The following MTOR variants were observed in gnomAD, a reference collection of about 807,000 sequenced individuals.
MTOR encodes mechanistic target of rapamycin kinase, also known as serine/threonine-protein kinase mTOR.
A neutral mutation model predicts 319.8 loss-of-function variants in MTOR; 70 were observed. The ratio of observed to expected loss-of-function variants is 0.22; its 90% CI spans 0.18 to 0.27. MTOR has a LOEUF of 0.27. Among genes scored for constraint, MTOR ranks in the 10% least tolerant of loss-of-function variants. MTOR has a pLI of 1.00. For synonymous variants in MTOR, 1,183 were observed against 1,211.4 expected, an observed-to-expected ratio of 0.98 and a Z score of 0.49; for missense variants, 1,890 against 3,274.4, an observed-to-expected ratio of 0.58 and a Z score of 10.32.
At chr1:11,167,553 C>T in intron 28 of MTOR, 36 bp from the exon 29 acceptor site, 1 of 1,542,824 alleles carries the variant, frequency 6.5e-7, no homozygotes, top group Non-Finnish European at 8.9e-7. Context: ...TTACACTCAA[C>T]AGGTCTGAGG....
rs1642719052 is a variant in MTOR at position 11,124,510 on chromosome 1, C to T, written c.6650G>A (p.Arg2217Gln). The T allele has an allele frequency of 1.4e-5, 22 of 1,605,670 alleles. No individual in the cohort carries two copies. The highest frequency in any genetic ancestry group is 2.2e-5 in the East Asian group (1 of 44,650). ...TLLANDPTSL[R>Q]KNLSIQRYAV... is the part of the protein sequence containing the mutation. Reference sequence around the variant, plus strand: ...GGTTTCTGAATACCTGAGGTTTTTCCGAAGAGATGTTGGGTCATTGGCCAG... The same window carrying T: ...GGTTTCTGAATACCTGAGGTTTTTCTGAAGAGATGTTGGGTCATTGGCCAG... Residue 2217 changes from arginine (R) to glutamine (Q), a missense_variant, in exon 47 of 58, where the codon CGG becomes CAG. By Grantham distance (43) the Arg-to-Gln change is conservative. Around this residue, in one of 15 missense-constraint regions of MTOR, gnomAD observed 249 missense variants for 596.2 expected, o/e 0.42. Transcript: ENST00000361445.
chr1:11,181,886 C>A (rs12121866), intron 28 of MTOR, among the ~76,000 whole-genome samples: 1 of 152,070 alleles, frequency 6.6e-6, no homozygotes, highest in Non-Finnish European at 1.5e-5. Context: ...TCTTTGCTTT[C>A]GCAGAGCTTA....
chr1:11,227,892 A>G (rs546842801), intron 19 of MTOR, among the ~76,000 whole-genome samples: 1 of 152,266 alleles, frequency 6.6e-6, no homozygotes, highest in Admixed American at 6.5e-5. Flanking sequence ...TTACTCACTA[A>G]TGGCAAAGGA....
At chr1:11,217,191 C>A (rs1184386346) in intron 19 of MTOR, among the ~76,000 whole-genome samples, 1 of 152,108 alleles carries the variant, frequency 6.6e-6, no homozygotes, top group Non-Finnish European at 1.5e-5. Context: ...GGAGATTCTA[C>A]TGAAGTCAGT....
chr1:11,184,737 A>G (rs1202689166), intron 28 of MTOR, among the ~76,000 whole-genome samples: 2 of 152,264 alleles, frequency 1.3e-5, no homozygotes, highest in East Asian at 3.9e-4. Flanking sequence ...TGTCTCTAAA[A>G]AAAATAAAAA....
chr1:11,221,826 G>A (rs1165302297), intron 19 of MTOR, among the ~76,000 whole-genome samples: 1 of 149,426 alleles, frequency 6.7e-6, no homozygotes. Context: ...AAACACACAA[G>A]TAGTAAAGTA....
At chr1:11,119,573 GAAAAAAA>G (rs555425607) in intron 49 of MTOR, among the ~76,000 whole-genome samples, 3 of 24,876 alleles carry the variant, frequency 1.2e-4, no homozygotes, top group East Asian at 2.4e-3. Context: ...TCCGTCTCGA[GAAAAAAA>G]AAAAAAAAAA....
At chr1:11,170,328 A>G (rs932921495) in intron 28 of MTOR, among the ~76,000 whole-genome samples, 22 of 150,952 alleles carry the variant, frequency 1.5e-4, no homozygotes, top group African/African-American at 4.5e-4. Flanking sequence ...GGGGCTGGGT[A>G]AACTGTACTA....
At chr1:11,161,662 C>T (rs1466309971) in intron 29 of MTOR, among the ~76,000 whole-genome samples, 1 of 152,122 alleles carries the variant, frequency 6.6e-6, no homozygotes, top group African/African-American at 2.4e-5. Flanking sequence ...CTGGTGATAC[C>T]CAGGCAAACG....
chr1:11,228,860 G>T lies in MTOR; in HGVS notation c.2838C>A (p.Phe946Leu). The T allele has an allele frequency of 6.2e-7, 1 of 1,614,198 alleles. No individual in the cohort carries two copies. Among genetic ancestry groups the T allele is most frequent in the Non-Finnish European group, 8.5e-7 (1 of 1,180,022 alleles). The part of the protein sequence containing the change: ...VNMGNLPLDE[F>L]YPAVSMVALM... ...GGGCCACCATGGACACAGCTGGGTA[G>T]AACTCATCCAGAGGCAAGTTTCCCA... The change falls in exon 19 of 58, where the codon TTC becomes TTA. Residue 946 changes from phenylalanine (F) to leucine (L), a missense_variant. Phe to Leu is a conservative substitution (Grantham distance 22). Around this residue, in one of 15 missense-constraint regions of MTOR, gnomAD observed 377 missense variants for 653.9 expected, o/e 0.58. Transcript: ENST00000361445.
At chr1:11,192,505 C>A in intron 28 of MTOR, 1 of 705,174 alleles carries the variant, frequency 1.4e-6, no homozygotes, top group East Asian at 2.6e-5. Context: ...CCTGTAATCC[C>A]AGCACTATGG....
In MTOR at chr1:11,125,368, C is replaced by A. The variant is rs148894867; in HGVS notation, c.6527-735G>T. ...ACAACAGCTCATGCAGAGATAATCA[C>A]CTGTGGACCATGATTAATTGGTGTT... On this transcript the variant is annotated intron_variant, in intron 46 of 57. Transcript: ENST00000361445. 3.1e-4 allele frequency among the ~76,000 whole-genome samples: 47 copies of A among 152,314 alleles called. No individual in the cohort carries two copies. In the East Asian group the frequency reaches 6.9e-3, roughly 23 times the overall value.
At position 11,139,484 on chromosome 1, in the gene MTOR, G is replaced by A. The variant is rs17848548; in HGVS notation, c.4998+49C>T. 0.011 allele frequency: 17,579 copies of A among 1,614,036 alleles called. 617 individuals are homozygous for A. The highest frequency in any genetic ancestry group is 0.069 in the African/African-American group (5,157 of 74,980). On this transcript the variant is annotated intron_variant, in intron 35 of 57. Coordinates refer to ENST00000361445, the MANE Select transcript of MTOR (RefSeq NM_004958.4). ...TATAGACAGAACTGGACAGCCCAGG[G>A]ACACCATGGGGCCCTACCTGCCCAT...
chr1:11,159,069 T>C (rs1317629372), intron 29 of MTOR, among the ~76,000 whole-genome samples: 1 of 152,194 alleles, frequency 6.6e-6, no homozygotes, highest in African/African-American at 2.4e-5. Flanking sequence ...GAAAGTTTCA[T>C]TGAAGGCTGG....
intron 19 of MTOR, among the ~76,000 whole-genome samples, chr1:11,218,355 G>A (rs957205162): frequency 3.9e-5 from 6 of 151,956 alleles, no homozygotes; most frequent in East Asian, 1.9e-4. Context: ...GCTTGAAACC[G>A]GAAGGCGGAG....
rs1444113483 is a variant in MTOR, at chr1:11,199,317, G to A, written c.4194C>T (p.His1398=). ...CTTTCTGGAACTCCAGTTCTTTGTAGTGTAGTGCTTTGGCATATGCTCGGC... is the reference window on the plus strand; with the variant it reads ...CTTTCTGGAACTCCAGTTCTTTGTAATGTAGTGCTTTGGCATATGCTCGGC... ...AKCRAYAKAL[H]YKELEFQKGP... is the part of the protein sequence containing the mutation. The change falls in exon 28 of 58, where the codon CAC becomes CAT. Residue 1398 remains histidine (H), a synonymous_variant. Transcript: ENST00000361445. This position sits in a 1 kb window ranked among gnomAD's most constrained non-coding sequence, Gnocchi z 4.5. 2 of 1,614,040 alleles carry A rather than the reference G, an allele frequency of 1.2e-6. No homozygotes were observed.
chr1:11,224,087 T>TAAAA (rs1646754199), intron 19 of MTOR, among the ~76,000 whole-genome samples: 1 of 139,014 alleles, frequency 7.2e-6, no homozygotes, highest in African/African-American at 3.0e-5. Flanking sequence ...ATAAAATAAA[T>TAAAA]AGGCCAAATA....
intron 8 of MTOR, among the ~76,000 whole-genome samples, chr1:11,243,610 C>G (rs1648390267): frequency 6.6e-6 from 1 of 150,688 alleles, no homozygotes; most frequent in African/African-American, 2.4e-5. Flanking sequence ...ATCACTTGAG[C>G]CCAGATGGTT....
At chr1:11,242,840 A>G (rs1481464434) in intron 9 of MTOR, among the ~76,000 whole-genome samples, 1 of 152,254 alleles carries the variant, frequency 6.6e-6, no homozygotes, top group East Asian at 1.9e-4. Flanking sequence ...GAAAAAAGCA[A>G]AACTAGCAGA....
Sources: gnomAD v4.1 joint callset for allele counts (sites outside exome capture counted in the v4.1 genomes callset) on GRCh38, gnomAD v4.1.1 for gene constraint, gnomAD v4.1.1 regional missense constraint, Gnocchi (gnomAD v3.1) non-coding constraint, MANE v1.5 for transcripts, NCBI Gene and HGNC (gene_info 2026-07-23, HGNC 2026-07-21) for gene names.